Variants in BBS9 observed in about 807,000 individuals in gnomAD.
The protein encoded by BBS9 is protein PTHB1.
In BBS9, 89 loss-of-function variants were observed where a neutral mutation model predicts 117.7. The observed-to-expected ratio is 0.76, with a 90% CI of 0.64 to 0.90. The LOEUF (loss-of-function observed/expected upper bound fraction) is 0.90, where lower values mean the gene tolerates loss of function less well. Among genes scored for constraint, BBS9 ranks in the 40% least tolerant of loss-of-function variants. The pLI is 0.00. For synonymous variants in BBS9, 379 were observed against 370.9 expected (o/e 1.02, Z -0.25); for missense variants, 982 against 1,042.2 (o/e 0.94, Z 0.80).
At position 33,398,275 on chromosome 7, in the gene BBS9, C is replaced by G. The variant is rs1342097169; in HGVS notation, c.2115+10131C>G. On this transcript the variant is annotated intron_variant, in intron 19 of 22. Transcript: ENST00000242067. ...TTCTTCATTGGTATTTCTGAGGGAGCCGTTTTCTCTTTCCTGTCTATACCC... is the reference window on the plus strand; with the variant it reads ...TTCTTCATTGGTATTTCTGAGGGAGGCGTTTTCTCTTTCCTGTCTATACCC... Among the ~76,000 whole-genome samples, 3 of 152,136 alleles carry G rather than the reference C, an allele frequency of 2.0e-5. No homozygotes were observed. The East Asian group carries it at 5.8e-4, about 29-fold the overall frequency.
At chr7:33,521,341 T>C (rs1019382633) in intron 20 of BBS9, among the ~76,000 whole-genome samples, 1 of 152,234 alleles carries the variant, frequency 6.6e-6, no homozygotes, top group Non-Finnish European at 1.5e-5. Context: ...CTTGTATTTG[T>C]TAAGGAGGTT....
intron 5 of BBS9, among the ~76,000 whole-genome samples, chr7:33,196,560 A>G (rs1165818201): frequency 1.3e-5 from 2 of 152,190 alleles, no homozygotes; most frequent in Non-Finnish European, 2.9e-5. Context: ...TTGTCTCACC[A>G]GTGAACCATA....
chr7:33,504,961 TAAAG>T lies in BBS9; in HGVS notation c.2116-498_2116-495del, dbSNP rs539017865. On this transcript the variant is annotated intron_variant, in intron 19 of 22. Transcript: ENST00000242067. ...AACATTATCTACCTTTTAGATATAA[TAAAG>T]AAATATTAGATATCTCAATACCATG... Among the ~76,000 whole-genome samples the T allele has an allele frequency of 8.5e-5, 13 of 152,058 alleles. No homozygotes were observed. In the South Asian group the frequency reaches 2.7e-3, roughly 32 times the overall value.
At chr7:33,426,481 A>G (rs1269395427) in intron 19 of BBS9, among the ~76,000 whole-genome samples, 1 of 152,134 alleles carries the variant, frequency 6.6e-6, no homozygotes. Context: ...AGAGAGAATG[A>G]TGGTGTTGGG....
At position 33,591,912 on chromosome 7, in the gene BBS9, A is replaced by T. The variant is rs1041915219; in HGVS notation, c.2522-12953A>T. ...TCATCATCATTTGAGCCCTTTAAAA[A>T]TTCCTATTGTAATCTCAGAGGAGTG... is the stretch of plus-strand genomic sequence containing the variant. On this transcript the variant is annotated intron_variant, in intron 21 of 22. Transcript: ENST00000242067. Among the ~76,000 whole-genome samples, 15 of 152,178 alleles carry T rather than the reference A, an allele frequency of 9.9e-5. No individual in the cohort carries two copies. The South Asian group carries it at 2.5e-3, about 25-fold the overall frequency.
intron 19 of BBS9, among the ~76,000 whole-genome samples, chr7:33,425,397 G>A (rs1833514385): frequency 6.6e-6 from 1 of 152,140 alleles, no homozygotes; most frequent in Admixed American, 6.5e-5. Flanking sequence ...GTGCACGTTT[G>A]TTACATAGGT....
chr7:33,249,290 T>A (rs1419371445), intron 5 of BBS9, among the ~76,000 whole-genome samples: 1 of 151,972 alleles, frequency 6.6e-6, no homozygotes, highest in Non-Finnish European at 1.5e-5. Context: ...ATTGTAATTT[T>A]CATGAATAGA....
Position 33,388,188 on chromosome 7 carries a change from T to A in BBS9, c.2115+44T>A, listed in dbSNP as rs1425748780. 5.6e-6 allele frequency: 9 copies of A among 1,601,778 alleles called. No homozygotes were observed. The African/African-American group carries it at 1.1e-4, about 19-fold the overall frequency. On this transcript the variant is annotated intron_variant, in intron 19 of 22. Coordinates refer to ENST00000242067, the MANE Select transcript of BBS9 (RefSeq NM_198428.3). ...ACAGTTTTCTATTACTGGCTATACT[T>A]TTTTTTGTCACCCTAGAGTCATGTA...
intron 12 of BBS9, 21 bp downstream of exon 12, chr7:33,344,655 C>A (rs769850130): frequency 1.2e-6 from 2 of 1,607,180 alleles, no homozygotes; most frequent in Non-Finnish European, 8.5e-7. Flanking sequence ...AGATTTTAGA[C>A]TGTAATGTGC....
chr7:33,143,630 A>T (rs943639255), intron 1 of BBS9, among the ~76,000 whole-genome samples: 4 of 151,920 alleles, frequency 2.6e-5, no homozygotes, highest in Admixed American at 2.0e-4. Flanking sequence ...CAGTGGCATG[A>T]CCTTGGCTCA....
intron 7 of BBS9, among the ~76,000 whole-genome samples, chr7:33,265,925 T>C (rs1487173425): frequency 6.6e-6 from 1 of 151,998 alleles, no homozygotes; most frequent in African/African-American, 2.4e-5. Context: ...ATAAAGCACA[T>C]AGCAAAATGT....
chr7:33,387,118 A>G (rs1194878202), intron 18 of BBS9, among the ~76,000 whole-genome samples: 2 of 152,098 alleles, frequency 1.3e-5, no homozygotes, highest in Non-Finnish European at 2.9e-5. Context: ...CAGTTCCCCT[A>G]TTGATGGGAA....
intron 18 of BBS9, among the ~76,000 whole-genome samples, chr7:33,387,128 A>G (rs573676448): frequency 6.6e-6 from 1 of 152,272 alleles, no homozygotes; most frequent in South Asian, 2.1e-4. Flanking sequence ...ATTGATGGGA[A>G]TTTTGATTAT....
chr7:33,542,931 AG>A (rs1266365287), intron 21 of BBS9, among the ~76,000 whole-genome samples: 1 of 151,978 alleles, frequency 6.6e-6, no homozygotes, highest in Non-Finnish European at 1.5e-5. Context: ...TGCATGTGCA[AG>A]TATCTTTTTC....
intron 19 of BBS9, among the ~76,000 whole-genome samples, chr7:33,476,482 G>A (rs1481303213): frequency 6.6e-6 from 1 of 152,222 alleles, no homozygotes; most frequent in East Asian, 1.9e-4. Flanking sequence ...TCTGCCTTGG[G>A]CAGCATCTTG....
At chr7:33,256,954 AATC>A (rs1797175374) in intron 5 of BBS9, among the ~76,000 whole-genome samples, 1 of 152,150 alleles carries the variant, frequency 6.6e-6, no homozygotes, top group South Asian at 2.1e-4. Flanking sequence ...GTATCATAGA[AATC>A]ATCATCATTA....
intron 19 of BBS9, among the ~76,000 whole-genome samples, chr7:33,474,964 G>A (rs1431686629): frequency 5.9e-5 from 9 of 152,126 alleles, no homozygotes; most frequent in Non-Finnish European, 8.8e-5. Flanking sequence ...AAAAAGGAAT[G>A]CTTTCCCTAA....
At chr7:33,166,125 A>G (rs1006212259) in intron 4 of BBS9, among the ~76,000 whole-genome samples, 1 of 152,190 alleles carries the variant, frequency 6.6e-6, no homozygotes, top group African/African-American at 2.4e-5. Context: ...AGTGTGCTGG[A>G]GGTCCACTCC....
At chr7:33,519,430 A>C (rs1340419729) in intron 20 of BBS9, among the ~76,000 whole-genome samples, 18 of 152,178 alleles carry the variant, frequency 1.2e-4, no homozygotes, top group Admixed American at 1.2e-3. Context: ...GATTCATTAG[A>C]ATCATGTCTG....
Sources: gnomAD v4.1 joint callset for allele counts (sites outside exome capture counted in the v4.1 genomes callset) on GRCh38, gnomAD v4.1.1 for gene constraint, MANE v1.5 for transcripts, NCBI Gene and HGNC (gene_info 2026-07-23, HGNC 2026-07-21) for gene names.